TULP3: variants seen among roughly 807,000 people sequenced by gnomAD.
TULP3 encodes the protein tubby-related protein 3.
A neutral mutation model predicts 50.7 loss-of-function variants in TULP3; 38 were observed. The ratio of observed to expected loss-of-function variants is 0.75; its 90% confidence interval spans 0.58 to 0.98. The LOEUF (loss-of-function observed/expected upper bound fraction) is 0.98. Ranked by LOEUF, TULP3 falls within the 50% of genes least tolerant of loss-of-function variation. The pLI, the probability that TULP3 is intolerant of heterozygous loss-of-function variation, is 0.00. For missense variants in TULP3, 550 were observed against 568.0 expected, an observed-to-expected ratio of 0.97 and a Z score of 0.32; for synonymous variants, 183 against 196.6, an observed-to-expected ratio of 0.93 and a Z score of 0.58.
chr12:2,922,095 C>G (rs1311501763), intron 3 of TULP3, among the ~76,000 whole-genome samples, 167 bp from the exon 4 acceptor site: 1 of 152,080 alleles, frequency 6.6e-6, no homozygotes, highest in Non-Finnish European at 1.5e-5. Context: ...AAAAAAAGAA[C>G]ACCAGTTCTG....
intron 1 of TULP3, among the ~76,000 whole-genome samples, chr12:2,899,907 CAA>C (rs796115246): frequency 9.1e-4 from 34 of 37,228 alleles, no homozygotes; most frequent in African/African-American, 5.6e-3. Context: ...AAAAAACAAA[CAA>C]AAAAAAAAAC....
chr12:2,920,278 GGCAAGCAGAC>G (rs545057991), intron 2 of TULP3, among the ~76,000 whole-genome samples: 46 of 152,348 alleles, frequency 3.0e-4, no homozygotes, highest in African/African-American at 1.1e-3. Context: ...GGGAGGCCAA[GGCAAGCAGAC>G]TGCTTGAGCT....
chr12:2,938,377 A>C, intron 10 of TULP3, 92 bp downstream of exon 10: 4 of 1,374,890 alleles, frequency 2.9e-6, no homozygotes, highest in Non-Finnish European at 4.0e-6. Flanking sequence ...AGGAAGTGAC[A>C]GTCAGCAGAT....
intron 1 of TULP3, among the ~76,000 whole-genome samples, chr12:2,893,333 T>TTTG (rs2098173377): frequency 2.0e-5 from 3 of 150,672 alleles, no homozygotes; most frequent in African/African-American, 7.3e-5. Context: ...ATGTGTTTTT[T>TTTG]TTTTTTTTTT....
chr12:2,898,079 C>CCAA, intron 1 of TULP3, among the ~76,000 whole-genome samples: 1 of 93,202 alleles, frequency 1.1e-5, no homozygotes, highest in East Asian at 3.2e-4. Context: ...AACTAGATCT[C>CCAA]AAAAAAAAAA....
intron 1 of TULP3, among the ~76,000 whole-genome samples, chr12:2,892,450 AT>A (rs63344361): frequency 0.49 from 73,526 of 150,810 alleles, 18,606 homozygotes; most frequent in African/African-American, 0.64. Flanking sequence ...TATGACTCAG[AT>A]TTTTTGGGGA....
At chr12:2,936,527 G>A (rs947591833) in intron 8 of TULP3, among the ~76,000 whole-genome samples, 1 of 151,502 alleles carries the variant, frequency 6.6e-6, no homozygotes, top group African/African-American at 2.4e-5. Context: ...AAGATGGGCG[G>A]ATCACCTGAG....
chr12:2,914,767 G>C (rs1180234578), intron 2 of TULP3, among the ~76,000 whole-genome samples: 2 of 151,684 alleles, frequency 1.3e-5, no homozygotes, highest in African/African-American at 4.8e-5. Flanking sequence ...AGAGTAGCTG[G>C]GATTAGAGGA....
At position 2,931,033 on chromosome 12, in the gene TULP3, T is replaced by C; in HGVS notation, c.493-4T>C. On this transcript the variant is annotated splice_polypyrimidine_tract_variant and splice_region_variant and intron_variant, in intron 5 of 10. Transcript: ENST00000448120. ...TTGTTGCTCATGTATGGCTGTCCTT[T>C]CAGGATACAGGCACTTCCGGTTCTG... is the stretch of plus-strand genomic sequence containing the variant. The C allele has an allele frequency of 6.2e-7, 1 of 1,614,106 alleles. No homozygotes were observed. The highest frequency in any genetic ancestry group is 8.5e-7 in the Non-Finnish European group (1 of 1,179,990).
intron 1 of TULP3, 21 bp downstream of exon 1, chr12:2,891,009 G>A (rs767004518): frequency 6.4e-7 from 1 of 1,571,062 alleles, no homozygotes; most frequent in Admixed American, 1.8e-5. Context: ...GCCGTGGCAG[G>A]TCTCCTCCTG....
chr12:2,893,817 AT>A (rs1239921336), intron 1 of TULP3, among the ~76,000 whole-genome samples: 1 of 148,144 alleles, frequency 6.8e-6, no homozygotes, highest in Non-Finnish European at 1.5e-5. Flanking sequence ...TTTAATTTTT[AT>A]TTTTTTGTAG....
rs1232389753 is a variant in TULP3 at position 2,939,841 on chromosome 12, A to G, written c.*397A>G. 8.4e-7 allele frequency: 1 copy of G among 1,192,896 alleles called. No individual in the cohort carries two copies. Among genetic ancestry groups the G allele is most frequent in the Non-Finnish European group, 1.1e-6 (1 of 943,434 alleles). 73.9% of individuals were successfully genotyped at this position (1,192,896 alleles called of 1,614,324 possible). A position where few individuals can be genotyped will look rare whatever the true frequency, so the allele number is the denominator to read the frequency against. On this transcript the variant is annotated 3_prime_UTR_variant, in exon 11 of 11. Coordinates refer to ENST00000448120, the MANE Select transcript of TULP3 (RefSeq NM_003324.5). The surrounding 1 kb of genome is among the most constrained non-coding windows in gnomAD (Gnocchi z 4.0). ...CCCCGCGCACTCTCACTCCTTTTCC[A>G]GGTTTCATAGACTTGGTGAGGGATC...
chr12:2,916,134 C>T (rs2098188567), intron 2 of TULP3, among the ~76,000 whole-genome samples: 1 of 152,180 alleles, frequency 6.6e-6, no homozygotes, highest in African/African-American at 2.4e-5. Flanking sequence ...CTCAGCCTCC[C>T]AAGTAGCTGG....
At chr12:2,896,468 G>A (rs911232903) in intron 1 of TULP3, among the ~76,000 whole-genome samples, 2 of 152,162 alleles carry the variant, frequency 1.3e-5, no homozygotes, top group Non-Finnish European at 2.9e-5. Flanking sequence ...GTGTTCAGTC[G>A]TGTGGTTTAA....
intron 2 of TULP3, among the ~76,000 whole-genome samples, chr12:2,912,382 G>A (rs185690077): frequency 1.7e-4 from 26 of 152,304 alleles, no homozygotes; most frequent in African/African-American, 3.4e-4. Flanking sequence ...ATCTTGGTGC[G>A]AGCTTCACAG....
intron 1 of TULP3, among the ~76,000 whole-genome samples, chr12:2,906,930 T>C (rs1328567008): frequency 4.6e-5 from 7 of 151,574 alleles, no homozygotes; most frequent in Admixed American, 3.3e-4. Flanking sequence ...AATAAGTAAA[T>C]AAATAAATAA....
intron 2 of TULP3, among the ~76,000 whole-genome samples, chr12:2,919,186 C>G (rs556805212): frequency 3.3e-5 from 5 of 152,322 alleles, no homozygotes; most frequent in Non-Finnish European, 7.3e-5. Context: ...GCCACTGCGC[C>G]CGGCTGCTAG....
rs567441567 is a variant in TULP3, at chr12:2,922,297, G to A, written c.289G>A (p.Glu97Lys). 2.0e-5 allele frequency: 32 copies of A among 1,614,004 alleles called. No homozygotes were observed. In the South Asian group the frequency reaches 2.7e-4, roughly 14 times the overall value. ...DGPAAVLKPDEVHAPSVSSSV... is the reference protein window; with the variant it reads ...DGPAAVLKPDKVHAPSVSSSV... ...TCCAGCTGCTGTCCTGAAACCAGAC[G>A]AAGTTCATGCTCCATCAGTAAGCTC... Residue 97 changes from glutamate (E) to lysine (K), a missense_variant, in exon 4 of 11, where the codon GAA (glutamate) becomes AAA (lysine). By Grantham distance (56) the Glu-to-Lys change is moderately conservative. Transcript: ENST00000448120.
At chr12:2,935,082 A>G (rs2098200324) in intron 8 of TULP3, among the ~76,000 whole-genome samples, 5 of 152,164 alleles carry the variant, frequency 3.3e-5, no homozygotes, top group African/African-American at 1.2e-4. Flanking sequence ...TCTTCCTACA[A>G]CGAGGCTCCA....
Sources: allele counts gnomAD v4.1 joint callset (sites outside exome capture counted in the v4.1 genomes callset), GRCh38; gene constraint gnomAD v4.1.1; non-coding constraint Gnocchi (gnomAD v3.1); transcripts MANE v1.5; gene names NCBI Gene and HGNC (gene_info 2026-07-23, HGNC 2026-07-21).